Variants in CNTN5 observed in about 807,000 individuals in gnomAD.
The protein encoded by CNTN5 is contactin-5.
CNTN5 carries 77 observed loss-of-function variants against 129.1 expected under a neutral mutation model. The ratio of observed to expected loss-of-function variants is 0.60; its 90% confidence interval spans 0.50 to 0.72. CNTN5 has a LOEUF of 0.72. Among genes scored for constraint, CNTN5 ranks in the 30% least tolerant of loss-of-function variants. The pLI, the probability that CNTN5 is intolerant of heterozygous loss-of-function variation, is 0.00. For missense variants in CNTN5, 1,478 were observed against 1,328.8 expected (o/e 1.11, Z -1.75); for synonymous variants, 509 against 465.6 (o/e 1.09, Z -1.20).
intron 1 of CNTN5, among the ~76,000 whole-genome samples, chr11:99,169,463 A>T (rs1292760681): frequency 6.6e-6 from 1 of 152,102 alleles, no homozygotes; most frequent in Non-Finnish European, 1.5e-5. Context: ...ATTTTGTGAG[A>T]TAACACTTTA....
At chr11:99,433,557 G>T (rs569626267) in intron 2 of CNTN5, among the ~76,000 whole-genome samples, 4 of 152,126 alleles carry the variant, frequency 2.6e-5, no homozygotes, top group African/African-American at 7.2e-5. Flanking sequence ...TTCATGAAGG[G>T]TATCCTTGTG....
intron 3 of CNTN5, among the ~76,000 whole-genome samples, chr11:99,666,297 T>C (rs1012672646): frequency 1.3e-5 from 2 of 152,116 alleles, no homozygotes; most frequent in Admixed American, 6.6e-5. Context: ...TAAAAAGTTA[T>C]TTTCCCAGTC....
rs189191771 is a variant in CNTN5, at chr11:99,867,496, G to C, written c.577+22234G>C. Among the ~76,000 whole-genome samples, 108 of 152,230 alleles carry C rather than the reference G, an allele frequency of 7.1e-4. 1 individual carries two copies. Among genetic ancestry groups the C allele is most frequent in the East Asian group, 2.7e-3 (14 of 5,156 alleles). The stretch of plus-strand genomic sequence containing the variant: ...TGTTGGTGGGACTGCATTCCATTAT[G>C]GAGGCTCCAGGAGAAAATCAATGTT... On this transcript the variant is annotated intron_variant, in intron 6 of 24. Coordinates refer to ENST00000524871, the MANE Select transcript of CNTN5 (RefSeq NM_014361.4).
At chr11:99,265,792 A>T (rs755427824) in intron 1 of CNTN5, among the ~76,000 whole-genome samples, 1 of 152,016 alleles carries the variant, frequency 6.6e-6, no homozygotes, top group Non-Finnish European at 1.5e-5. Context: ...TTTACTATTT[A>T]TTGAATGAAA....
rs567534825 is a variant in CNTN5 at position 100,018,040 on chromosome 11, G to A, written c.980+15904G>A. ...TAACAAATATTCTAATACATTTTCC[G>A]TGACTTAAATGTGTAGAGAAAACAC... On this transcript the variant is annotated intron_variant, in intron 9 of 24. Coordinates refer to ENST00000524871, the MANE Select transcript of CNTN5 (RefSeq NM_014361.4). Among the ~76,000 whole-genome samples, 31 of 152,040 alleles carry A rather than the reference G, an allele frequency of 2.0e-4. 1 individual carries two copies. In the South Asian group the frequency reaches 2.5e-3, roughly 12 times the overall value.
At chr11:100,266,817 G>T (rs1258355407) in intron 17 of CNTN5, among the ~76,000 whole-genome samples, 1 of 151,800 alleles carries the variant, frequency 6.6e-6, no homozygotes, top group Non-Finnish European at 1.5e-5. Context: ...GATTCAAGCA[G>T]AATTAATTAA....
At chr11:99,131,065 A>G (rs1858906483) in intron 1 of CNTN5, among the ~76,000 whole-genome samples, 1 of 148,732 alleles carries the variant, frequency 6.7e-6, no homozygotes, top group African/African-American at 2.5e-5. Flanking sequence ...GATCGAGACC[A>G]TCCTGGCTAA....
chr11:99,443,516 G>A (rs770983227), intron 2 of CNTN5, among the ~76,000 whole-genome samples: 1 of 152,120 alleles, frequency 6.6e-6, no homozygotes, highest in Non-Finnish European at 1.5e-5. Context: ...AAACCAGAAC[G>A]CCATGAAAAA....
intron 2 of CNTN5, among the ~76,000 whole-genome samples, chr11:99,495,731 C>T (rs558579525): frequency 4.5e-4 from 69 of 152,032 alleles, no homozygotes; most frequent in Non-Finnish European, 7.8e-4. Context: ...GAATAAATTA[C>T]GGAAGGGGGA....
intron 8 of CNTN5, among the ~76,000 whole-genome samples, chr11:99,965,990 A>G (rs1490082854): frequency 6.6e-6 from 1 of 152,174 alleles, no homozygotes; most frequent in African/African-American, 2.4e-5. Context: ...GTCAGCTGAA[A>G]TTCCTGCTGG....
At chr11:99,282,722 T>C (rs1863755903) in intron 1 of CNTN5, among the ~76,000 whole-genome samples, 1 of 152,072 alleles carries the variant, frequency 6.6e-6, no homozygotes, top group African/African-American at 2.4e-5. Context: ...TTTCAGCTGC[T>C]AGTAAAGTAA....
At chr11:100,069,621 T>C (rs181942244) in intron 10 of CNTN5, among the ~76,000 whole-genome samples, 3 of 152,232 alleles carry the variant, frequency 2.0e-5, no homozygotes, top group African/African-American at 4.8e-5. Flanking sequence ...TGAAACAACA[T>C]ATAAATGAAT....
At chr11:99,967,478 A>G (rs1951125756) in intron 8 of CNTN5, among the ~76,000 whole-genome samples, 1 of 152,172 alleles carries the variant, frequency 6.6e-6, no homozygotes, top group African/African-American at 2.4e-5. Context: ...AAACTGACAC[A>G]GATTCTGTCT....
At chr11:99,557,275 G>A (rs1306789126) in intron 3 of CNTN5, among the ~76,000 whole-genome samples, 1 of 150,940 alleles carries the variant, frequency 6.6e-6, no homozygotes, top group Non-Finnish European at 1.5e-5. Context: ...ACATATATAT[G>A]AGGATAACAC....
chr11:99,788,815 G>T (rs1945631085), intron 3 of CNTN5, among the ~76,000 whole-genome samples: 1 of 151,712 alleles, frequency 6.6e-6, no homozygotes, highest in African/African-American at 2.4e-5. Context: ...TATTTTCATT[G>T]TTCAATTCTG....
At chr11:99,463,424 C>G (rs1184670669) in intron 2 of CNTN5, among the ~76,000 whole-genome samples, 5 of 113,800 alleles carry the variant, frequency 4.4e-5, no homozygotes, top group Middle Eastern at 8.8e-3. Context: ...GGCAACAGAG[C>G]GAGACTCTGT....
intron 1 of CNTN5, among the ~76,000 whole-genome samples, chr11:99,234,519 T>C (rs1026585327): frequency 1.3e-5 from 2 of 151,002 alleles, no homozygotes; most frequent in South Asian, 2.1e-4. Flanking sequence ...TAATCTGATA[T>C]GTATACCTCT....
At chr11:100,144,946 C>A (rs747573654) in intron 13 of CNTN5, among the ~76,000 whole-genome samples, 2 of 132,260 alleles carry the variant, frequency 1.5e-5, no homozygotes, top group Non-Finnish European at 3.6e-5. Context: ...ATACCTTCCT[C>A]TTTCATACTG....
At chr11:99,888,336 A>C (rs1188294561) in intron 6 of CNTN5, among the ~76,000 whole-genome samples, 2 of 152,202 alleles carry the variant, frequency 1.3e-5, no homozygotes, top group Non-Finnish European at 2.9e-5. Flanking sequence ...TATGATAAGC[A>C]TATGTGACCT....
Sources: gnomAD v4.1 joint callset for allele counts (sites outside exome capture counted in the v4.1 genomes callset) on GRCh38, gnomAD v4.1.1 for gene constraint, MANE v1.5 for transcripts, NCBI Gene and HGNC (gene_info 2026-07-23, HGNC 2026-07-21) for gene names.